FASTKD1: variants seen among roughly 807,000 people sequenced by gnomAD.
FASTKD1 encodes the protein FAST kinase domain-containing protein 1, mitochondrial.
Under a neutral mutation model 90.9 loss-of-function variants are expected in FASTKD1, and 94 were observed. The ratio of observed to expected loss-of-function variants is 1.03; its 90% CI spans 0.88 to 1.23. FASTKD1 has a LOEUF of 1.23. Among genes scored for constraint, FASTKD1 ranks in the 50% most tolerant of loss-of-function variants. FASTKD1 has a pLI of 0.00. For missense variants in FASTKD1, 945 were observed against 993.5 expected (o/e 0.95, Z 0.66); for synonymous variants, 319 against 345.8 (o/e 0.92, Z 0.86).
intron 2 of FASTKD1, 25 bp from the exon 3 acceptor site, chr2:169,569,277 C>T (rs1684130415): frequency 6.3e-7 from 1 of 1,596,276 alleles, no homozygotes; most frequent in Non-Finnish European, 8.6e-7. Flanking sequence ...AAGAATCCTC[C>T]ATACATAATC....
rs541559236 is a variant in FASTKD1, at chr2:169,543,233, G to A, written c.1816+1488C>T. ...AATCCCAGCACTTTGGGAGGCTGAG[G>A]TGGGTGGATCACCTAAAGTCGGGAG... On this transcript the variant is annotated intron_variant, in intron 9 of 14. Coordinates refer to ENST00000453153, the MANE Select transcript of FASTKD1 (RefSeq NM_024622.6). Among the ~76,000 whole-genome samples, 21 of 152,308 alleles carry A rather than the reference G, an allele frequency of 1.4e-4. 1 individual carries two copies. The South Asian group carries it at 3.5e-3, about 26-fold the overall frequency.
At chr2:169,550,642 C>T (rs755338149) in intron 7 of FASTKD1, among the ~76,000 whole-genome samples, 92 of 152,214 alleles carry the variant, frequency 6.0e-4, no homozygotes, top group Admixed American at 7.9e-4. Context: ...CTACACCCTG[C>T]TAATTCTTTA....
At chr2:169,562,725 G>C (rs964548385) in intron 4 of FASTKD1, among the ~76,000 whole-genome samples, 1 of 152,062 alleles carries the variant, frequency 6.6e-6, no homozygotes, top group South Asian at 2.1e-4. Context: ...TAGGAGAATA[G>C]AGATAATGTC....
At position 169,557,222 on chromosome 2, in the gene FASTKD1, T is replaced by C; in HGVS notation, c.1047A>G (p.Gly349=). 6.2e-7 allele frequency: 1 copy of C among 1,612,066 alleles called. No homozygotes were observed. Among genetic ancestry groups the C allele is most frequent in the Non-Finnish European group, 8.5e-7 (1 of 1,178,730 alleles). The part of the protein sequence containing the change: ...EQALAVLGAM[G]DMESRNSCLI... The stretch of plus-strand genomic sequence containing the variant: ...GACATGAGTTTCTGCTTTCCATATC[T>C]CCCATTGCTCCCAACACTGCCAGGG... The change falls in exon 6 of 15, where the codon GGA becomes GGG. Residue 349 remains glycine (G), a synonymous_variant. Transcript: ENST00000453153.
chr2:169,530,116 T>C (rs1684415208), intron 14 of FASTKD1, among the ~76,000 whole-genome samples, 190 bp from the exon 15 acceptor site: 1 of 152,164 alleles, frequency 6.6e-6, no homozygotes, highest in South Asian at 2.1e-4. Context: ...TTTTTTCTGC[T>C]CCTTTCATCC....
intron 5 of FASTKD1, among the ~76,000 whole-genome samples, chr2:169,558,755 T>C (rs1574401080): frequency 6.6e-6 from 1 of 150,988 alleles, no homozygotes; most frequent in Non-Finnish European, 1.5e-5. Flanking sequence ...CCGGCCCTTT[T>C]TTTTTGTATT....
At chr2:169,544,618 T>C (rs1286518873) in intron 9 of FASTKD1, 103 bp downstream of exon 9, 1 of 686,072 alleles carries the variant, frequency 1.5e-6, no homozygotes, top group Non-Finnish European at 2.6e-6. Context: ...AGATAATTCA[T>C]GTCTATTATG....
At chr2:169,563,120 A>T (rs758841781) in intron 4 of FASTKD1, 105 bp downstream of exon 4, 10 of 1,111,550 alleles carry the variant, frequency 9.0e-6, no homozygotes, top group African/African-American at 1.6e-5. Flanking sequence ...CCAAGAGCTT[A>T]AGTAACCTTA....
chr2:169,540,266 A>C (rs187871454), intron 9 of FASTKD1, 87 bp from the exon 10 acceptor site: 1 of 1,243,842 alleles, frequency 8.0e-7, no homozygotes, highest in Non-Finnish European at 1.1e-6. Flanking sequence ...CCAGGTTTTT[A>C]AAAAAAAGAT....
chr2:169,549,429 A>G (rs1342627954), intron 7 of FASTKD1, among the ~76,000 whole-genome samples: 3 of 152,126 alleles, frequency 2.0e-5, no homozygotes, highest in Admixed American at 6.5e-5. Flanking sequence ...ATAAAAATAA[A>G]TAAATAAATA....
At chr2:169,562,056 TATTA>T (rs1559157543) in intron 4 of FASTKD1, among the ~76,000 whole-genome samples, 2 of 123,128 alleles carry the variant, frequency 1.6e-5, no homozygotes, top group African/African-American at 2.9e-5. Context: ...ATTAATTATT[TATTA>T]ATTTATTGTA....
rs898676811 is a variant in FASTKD1 at position 169,557,410 on chromosome 2, G to T, written c.972-113C>A. On this transcript the variant is annotated intron_variant, in intron 5 of 14. Coordinates refer to ENST00000453153, the MANE Select transcript of FASTKD1 (RefSeq NM_024622.6). The stretch of plus-strand genomic sequence containing the variant: ...AGGAAAAAAAATATAAACAAAAACT[G>T]AATCCAATATATAATTCTAGTGTTC... The T allele has an allele frequency of 5.2e-5, 29 of 552,694 alleles. No homozygotes were observed. In the African/African-American group the frequency reaches 5.5e-4, roughly 10 times the overall value. 34.2% of individuals were successfully genotyped at this position (552,694 alleles called of 1,614,324 possible).
chr2:169,545,493 C>T (rs954899251), intron 8 of FASTKD1, among the ~76,000 whole-genome samples: 3 of 152,086 alleles, frequency 2.0e-5, no homozygotes, highest in African/African-American at 7.2e-5. Context: ...GTGAGAAACA[C>T]TGTCTTTTAA....
chr2:169,570,066 TATAA>T (rs1029496478), intron 2 of FASTKD1, among the ~76,000 whole-genome samples: 3 of 152,120 alleles, frequency 2.0e-5, no homozygotes, highest in African/African-American at 7.2e-5. Context: ...GCCCCTTTCC[TATAA>T]ATGCCAATTC....
chr2:169,546,448 G>C lies in FASTKD1; in HGVS notation c.1471C>G (p.Leu491Val), dbSNP rs1321376196. 1.2e-6 allele frequency: 2 copies of C among 1,614,178 alleles called. No individual in the cohort carries two copies. The highest frequency in any genetic ancestry group is 3.3e-5 in the Admixed American group (2 of 60,022). ...QKLDHYGRQR[L>V]QHSNSLDLLR... ...AGATCCAAACTGTTGCTGTGTTGTA[G>C]TCTCTGACGACCATAGTGATCTAAT... Residue 491 changes from leucine to valine, a missense_variant, in exon 8 of 15, where the codon CTA (leucine) becomes GTA (valine). Physicochemically the swap from Leu to Val is conservative, Grantham distance 32. Transcript: ENST00000453153.
intron 12 of FASTKD1, among the ~76,000 whole-genome samples, chr2:169,535,732 G>T (rs182585020): frequency 8.5e-4 from 129 of 152,238 alleles, no homozygotes; most frequent in African/African-American, 3.0e-3. Context: ...TTCCTGCCCA[G>T]TGCAAAAATC....
At chr2:169,567,772 A>C (rs570914799) in intron 3 of FASTKD1, among the ~76,000 whole-genome samples, 1 of 152,192 alleles carries the variant, frequency 6.6e-6, no homozygotes, top group Non-Finnish European at 1.5e-5. Context: ...ATTTAGAGGG[A>C]GAGTTGCTCT....
chr2:169,561,823 T>C (rs1304845764), intron 4 of FASTKD1, among the ~76,000 whole-genome samples: 4 of 142,304 alleles, frequency 2.8e-5, no homozygotes, highest in Non-Finnish European at 3.0e-5. Context: ...TGTAAATTAT[T>C]TATTAATTTA....
At position 169,560,536 on chromosome 2, in the gene FASTKD1, T is replaced by A. The variant is rs1297514468; in HGVS notation, c.822A>T (p.Val274=). Residue 274 remains valine, a synonymous_variant, in exon 5 of 15, where the codon GTA becomes GTT. Transcript: ENST00000453153. The stretch of plus-strand genomic sequence containing the variant: ...AACTATTAAATTGTAGAAATTTGTA[T>A]ACACTAAGTATTTTACTGATGGAAT... The part of the protein sequence containing the change: ...DLDSISKILS[V]YKFLQFNSFE... 1.9e-6 allele frequency: 3 copies of A among 1,602,380 alleles called. No homozygotes were observed. The highest frequency in any genetic ancestry group is 1.7e-5 in the Admixed American group (1 of 57,422).
Sources: allele counts gnomAD v4.1 joint callset (sites outside exome capture counted in the v4.1 genomes callset), GRCh38; gene constraint gnomAD v4.1.1; transcripts MANE v1.5; gene names NCBI Gene and HGNC (gene_info 2026-07-23, HGNC 2026-07-21).